The following FAM161A variants were observed in gnomAD, a reference collection of about 807,000 sequenced individuals.
FAM161A encodes the protein protein FAM161A.
FAM161A carries 57 observed loss-of-function variants against 70.9 expected under a neutral mutation model. The observed-to-expected ratio is 0.80, with a 90% CI of 0.65 to 1.00. FAM161A has a LOEUF of 1.00. Among genes scored for constraint, FAM161A ranks in the 50% least tolerant of loss-of-function variants. The pLI is 0.00. For missense variants in FAM161A, 880 were observed against 836.0 expected (o/e 1.05, Z -0.65); for synonymous variants, 299 against 295.7 (o/e 1.01, Z -0.12).
rs1056066027 is a variant in FAM161A at position 61,840,251 on chromosome 2, T to C, written c.753A>G (p.Lys251=). The C allele has an allele frequency of 1.2e-6, 2 of 1,613,968 alleles. No individual in the cohort carries two copies. Among genetic ancestry groups the C allele is most frequent in the African/African-American group, 1.3e-5 (1 of 74,906 alleles). The change falls in exon 3 of 7, where the codon AAA becomes AAG. Residue 251 remains lysine (K), a synonymous_variant. Transcript: ENST00000404929. ...ATTTAGATTTCATGGACTCTTCTTT[T>C]TTCTTCTGTTCTCTTATCATCATTT... ...PFQMMIREQK[K]KEESMKSKSD...
chr2:61,831,749 T>C (rs1410025600), intron 5 of FAM161A, among the ~76,000 whole-genome samples: 3 of 152,160 alleles, frequency 2.0e-5, no homozygotes, highest in African/African-American at 7.2e-5. Context: ...ATAAAGTGCT[T>C]AGTGGAGTGC....
At chr2:61,821,968 C>T (rs1236723446), downstream of FAM161A, among the ~76,000 whole-genome samples, 2 of 151,454 alleles carry the variant, frequency 1.3e-5, no homozygotes, top group Non-Finnish European at 2.9e-5. Flanking sequence ...AGGGTTTTAC[C>T]ATGTTGGTCA....
At chr2:61,805,633 T>A in the FAM161A span, among the ~76,000 whole-genome samples, 1 of 152,140 alleles carries the variant, frequency 6.6e-6, no homozygotes, top group African/African-American at 2.4e-5. Context: ...CCGTTCTTCC[T>A]CCTATTGCAA....
the FAM161A span, among the ~76,000 whole-genome samples, chr2:61,808,697 T>C: frequency 6.6e-6 from 1 of 152,036 alleles, no homozygotes; most frequent in Non-Finnish European, 1.5e-5. Context: ...CAAGAATAAG[T>C]TTAGGAAGGC....
chr2:61,802,698 C>T, the FAM161A span, among the ~76,000 whole-genome samples: 1 of 152,070 alleles, frequency 6.6e-6, no homozygotes, highest in Non-Finnish European at 1.5e-5. Context: ...GTGTCAGTTA[C>T]TTTGAATTAG....
rs1173533012 is a variant in FAM161A at position 61,853,899 on chromosome 2, T to C, written c.143A>G (p.Asp48Gly). Residue 48 changes from aspartate to glycine, a missense_variant, in exon 1 of 7, where the codon GAC becomes GGC. Asp to Gly is a moderately conservative substitution (Grantham distance 94, BLOSUM62 -1). Coordinates refer to ENST00000404929, the MANE Select transcript of FAM161A (RefSeq NM_001201543.2). ...ALAAAEAILE[D>G]EEEEKVAQPA... is the part of the protein sequence containing the mutation. ...CTGAGCCACTTTCTCCTCCTCTTCG[T>C]CCTCCAAGATCGCCTCCGCTGCCGC... is the stretch of plus-strand genomic sequence containing the variant. The C allele has an allele frequency of 1.2e-6, 2 of 1,613,966 alleles. No homozygotes were observed. Among genetic ancestry groups the C allele is most frequent in the Non-Finnish European group, 1.7e-6 (2 of 1,179,854 alleles).
rs896987904 is a variant in FAM161A at position 61,825,501 on chromosome 2, C to T, written c.*954G>A. ...TAAAAAAACTAGTATAAAAACTTTC[C>T]TAATAATTTACAAATCAAAAATAAT... On this transcript the variant is annotated 3_prime_UTR_variant, in exon 7 of 7. Transcript: ENST00000404929. 1 of 442,504 alleles carries T rather than the reference C, an allele frequency of 2.3e-6. No individual in the cohort carries two copies. The highest frequency in any genetic ancestry group is 2.0e-5 in the African/African-American group (1 of 49,044). The allele number at this position is 442,504 out of a possible 1,614,324, so 27.4% of individuals were successfully genotyped here.
chr2:61,807,633 ATTT>A, the FAM161A span, among the ~76,000 whole-genome samples: 3 of 113,306 alleles, frequency 2.6e-5, no homozygotes, highest in African/African-American at 3.6e-5. Context: ...TGGACTCCAG[ATTT>A]TTTTTTTTTT....
Position 61,840,544 on chromosome 2 carries a change from A to T in FAM161A, c.460T>A (p.Leu154Ile). 1 of 1,613,464 alleles carries T rather than the reference A, an allele frequency of 6.2e-7. No individual in the cohort carries two copies. Among genetic ancestry groups the T allele is most frequent in the African/African-American group, 1.3e-5 (1 of 75,034 alleles). ...SEKNSYHPVS[L>I]MTSFSEPDLG... Reference sequence around the variant, plus strand: ...TCAGGCTCTGAAAATGATGTCATTAATGAGACAGGGTGATAGGAGTTCTTT... The same window carrying T: ...TCAGGCTCTGAAAATGATGTCATTATTGAGACAGGGTGATAGGAGTTCTTT... The change falls in exon 3 of 7, where the codon TTA (leucine) becomes ATA (isoleucine). Residue 154 changes from leucine (L) to isoleucine (I), a missense_variant. Leu to Ile is a conservative substitution (Grantham distance 5). Coordinates refer to ENST00000404929, the MANE Select transcript of FAM161A (RefSeq NM_001201543.2).
chr2:61,815,498 C>G, the FAM161A span, among the ~76,000 whole-genome samples: 1 of 131,510 alleles, frequency 7.6e-6, no homozygotes, highest in Non-Finnish European at 1.6e-5. Flanking sequence ...CTGCTGTTTA[C>G]TAGAAAAATC....
At chr2:61,841,079 A>G (rs1673004445) in intron 2 of FAM161A, among the ~76,000 whole-genome samples, 1 of 152,126 alleles carries the variant, frequency 6.6e-6, no homozygotes. Context: ...TGACTCCTTC[A>G]TTTTACAGGG....
chr2:61,804,740 G>A, the FAM161A span, among the ~76,000 whole-genome samples: 1 of 121,626 alleles, frequency 8.2e-6, no homozygotes, highest in Non-Finnish European at 1.7e-5. Flanking sequence ...AGGAAAGAAA[G>A]AAAGGAAAAG....
At chr2:61,832,428 C>T (rs567064408) in intron 5 of FAM161A, among the ~76,000 whole-genome samples, 2 of 152,142 alleles carry the variant, frequency 1.3e-5, no homozygotes, top group East Asian at 3.9e-4. Context: ...GGAAATCTTC[C>T]AGAACTAGAA....
intron 5 of FAM161A, among the ~76,000 whole-genome samples, chr2:61,832,447 CA>C (rs1158277486): frequency 2.6e-5 from 4 of 152,084 alleles, no homozygotes; most frequent in Non-Finnish European, 5.9e-5. Context: ...AATAAAATAA[CA>C]GTGATTTTAA....
chr2:61,803,228 C>T, the FAM161A span: 4 of 600,684 alleles, frequency 6.7e-6, no homozygotes, highest in African/African-American at 5.6e-5. Context: ...TATAAGACCA[C>T]ACTGGATGTC....
At chr2:61,802,151 T>C in the FAM161A span, among the ~76,000 whole-genome samples, 1 of 152,224 alleles carries the variant, frequency 6.6e-6, no homozygotes, top group South Asian at 2.1e-4. Flanking sequence ...ACAAAAGTAC[T>C]GCATTTGACT....
intron 5 of FAM161A, 129 bp downstream of exon 5, chr2:61,835,881 C>A: frequency 1.3e-6 from 1 of 750,706 alleles, no homozygotes; most frequent in Non-Finnish European, 2.3e-6. Flanking sequence ...ATGAAGCCAA[C>A]ACAAACAACA....
At chr2:61,836,400 A>C (rs983820812) in intron 4 of FAM161A, 2 of 269,816 alleles carry the variant, frequency 7.4e-6, no homozygotes, top group African/African-American at 4.5e-5. Flanking sequence ...TCAAGGCATA[A>C]ATATTTTAAG....
In FAM161A at chr2:61,825,845, G is replaced by A. The variant is rs984529161; in HGVS notation, c.*610C>T. 1 of 449,958 alleles carries A rather than the reference G, an allele frequency of 2.2e-6. No individual in the cohort carries two copies. Among genetic ancestry groups the A allele is most frequent in the Admixed American group, 2.4e-5 (1 of 41,838 alleles). 27.9% of individuals were successfully genotyped at this position (449,958 alleles called of 1,614,324 possible). On this transcript the variant is annotated 3_prime_UTR_variant, in exon 7 of 7. Transcript: ENST00000404929. ...GTAGAGACGGGGTTTCATCGTGTTA[G>A]CCAGGATGGTCTCGATCTCCTGACC...
Sources: allele counts gnomAD v4.1 joint callset (sites outside exome capture counted in the v4.1 genomes callset), GRCh38; gene constraint gnomAD v4.1.1; transcripts MANE v1.5; gene names NCBI Gene and HGNC (gene_info 2026-07-23, HGNC 2026-07-21).